The following GLIS3 variants were observed in gnomAD, a reference collection of about 807,000 sequenced individuals.
GLIS3 encodes the protein GLIS family zinc finger 3.
In GLIS3, 53 loss-of-function variants were observed where a neutral mutation model predicts 78.6. The observed-to-expected ratio is 0.67, with a 90% CI of 0.54 to 0.85. The LOEUF is 0.85. Ranked by LOEUF, GLIS3 falls within the 40% of genes least tolerant of loss-of-function variation. GLIS3 has a pLI of 0.00. For missense variants in GLIS3, 1,703 were observed against 1,231.1 expected, an observed-to-expected ratio of 1.38 and a Z score of -5.74; for synonymous variants, 684 against 509.9, an observed-to-expected ratio of 1.34 and a Z score of -4.60.
chr9:4,193,967 G>A (rs952957355), intron 2 of GLIS3, among the ~76,000 whole-genome samples: 3 of 152,232 alleles, frequency 2.0e-5, no homozygotes, highest in Non-Finnish European at 4.4e-5. Flanking sequence ...GGCAGTAACG[G>A]CAACATCTTT....
chr9:4,210,008 AC>A lies in GLIS3; in HGVS notation c.388+76029del, dbSNP rs529857522. Among the ~76,000 whole-genome samples the A allele has an allele frequency of 2.3e-3, 353 of 152,306 alleles. 1 individual carries two copies. Among genetic ancestry groups the A allele is most frequent in the African/African-American group, 7.3e-3 (304 of 41,550 alleles). On this transcript the variant is annotated intron_variant, in intron 2 of 10. Transcript: ENST00000381971. ...ATGGCTTAACATCAAGATAGGCTGC[AC>A]ATTTCAGGAAATGTAAGGATGATAT... is the stretch of plus-strand genomic sequence containing the variant.
intron 9 of GLIS3, among the ~76,000 whole-genome samples, chr9:3,834,976 T>C (rs1362111763): frequency 1.3e-5 from 2 of 152,276 alleles, no homozygotes; most frequent in African/African-American, 2.4e-5. Context: ...GATGTGCCCT[T>C]GTGGGTCTCC....
intron 2 of GLIS3, among the ~76,000 whole-genome samples, chr9:4,256,488 C>T (rs576246687): frequency 1.3e-4 from 20 of 152,162 alleles, no homozygotes; most frequent in Non-Finnish European, 2.2e-4. Context: ...TGTTGAATGC[C>T]GGTAAAATTG....
chr9:4,470,760 A>G, the GLIS3 span, among the ~76,000 whole-genome samples: 1 of 150,446 alleles, frequency 6.6e-6, no homozygotes, highest in Non-Finnish European at 1.5e-5. Context: ...CCAGGGCAAT[A>G]AGGCAGGAGA....
At chr9:3,912,882 G>C (rs1473037595) in intron 6 of GLIS3, among the ~76,000 whole-genome samples, 1 of 152,204 alleles carries the variant, frequency 6.6e-6, no homozygotes, top group Non-Finnish European at 1.5e-5. Flanking sequence ...CTCAAAGCAA[G>C]ATGAAGGGTT....
At position 3,956,185 on chromosome 9, in the gene GLIS3, G is replaced by GA. The variant is rs1243726842; in HGVS notation, c.1711-18997dup. Among the ~76,000 whole-genome samples the GA allele has an allele frequency of 5.5e-3, 826 of 149,258 alleles. 6 individuals carry two copies. Among genetic ancestry groups the GA allele is most frequent in the African/African-American group, 0.019 (778 of 40,720 alleles). On this transcript the variant is annotated intron_variant, in intron 4 of 10. Coordinates refer to ENST00000381971, the MANE Select transcript of GLIS3 (RefSeq NM_001042413.2). ...CCATTCTTTAGTGTACCAGTTGAAA[G>GA]AAAAAAAAAATCACCTCCAACAGCT...
chr9:4,338,231 A>G (rs1325960194), intron 2 of GLIS3, among the ~76,000 whole-genome samples: 2 of 152,172 alleles, frequency 1.3e-5, no homozygotes, highest in African/African-American at 4.8e-5. Flanking sequence ...GTGTTGGACT[A>G]GATGAGTTTC....
At chr9:4,436,407 T>G in the GLIS3 span, among the ~76,000 whole-genome samples, 1 of 152,194 alleles carries the variant, frequency 6.6e-6, no homozygotes, top group Admixed American at 6.5e-5. Context: ...TTCTTCCTTC[T>G]CCCTCCAAAG....
chr9:4,268,699 T>A (rs1455576456), intron 2 of GLIS3, among the ~76,000 whole-genome samples: 1 of 152,234 alleles, frequency 6.6e-6, no homozygotes, highest in East Asian at 1.9e-4. Context: ...TAGGTGGTGA[T>A]ACCCCACAGA....
rs148965885 is a variant in GLIS3, at chr9:4,158,952, C to T, written c.389-33011G>A. ...AACCAGCCATGTAACAATACGGGGGCGGAGTCCCGGGCAGAAAAAAATGGC... is the reference window on the plus strand; with the variant it reads ...AACCAGCCATGTAACAATACGGGGGTGGAGTCCCGGGCAGAAAAAAATGGC... On this transcript the variant is annotated intron_variant, in intron 2 of 10. Coordinates refer to ENST00000381971, the MANE Select transcript of GLIS3 (RefSeq NM_001042413.2). 1.3e-3 allele frequency among the ~76,000 whole-genome samples: 181 copies of T among 142,658 alleles called. 1 individual carries two copies. The highest frequency in any genetic ancestry group is 4.6e-3 in the African/African-American group (174 of 38,234). The allele number at this position is 142,658 out of a possible 152,430, so 93.6% of individuals were successfully genotyped here.
chr9:4,278,498 C>T (rs1330676043), intron 2 of GLIS3, among the ~76,000 whole-genome samples: 1 of 152,036 alleles, frequency 6.6e-6, no homozygotes, highest in African/African-American at 2.4e-5. Context: ...GTTTGAGCAT[C>T]ACAAAGAATA....
At chr9:4,468,159 T>C in the GLIS3 span, among the ~76,000 whole-genome samples, 3 of 152,146 alleles carry the variant, frequency 2.0e-5, no homozygotes, top group East Asian at 3.9e-4. Context: ...AAATATCTGA[T>C]TGGTGTACCT....
At chr9:4,266,207 C>A (rs180917655) in intron 2 of GLIS3, among the ~76,000 whole-genome samples, 3 of 150,686 alleles carry the variant, frequency 2.0e-5, no homozygotes, top group African/African-American at 7.3e-5. Flanking sequence ...TGTGAGCCAC[C>A]GCGCCTGGCC....
At chr9:3,921,272 T>C (rs1340296932) in intron 6 of GLIS3, among the ~76,000 whole-genome samples, 4 of 152,252 alleles carry the variant, frequency 2.6e-5, no homozygotes, top group Non-Finnish European at 4.4e-5. Context: ...AATTATGTTC[T>C]GAGCACCTCC....
intron 4 of GLIS3, among the ~76,000 whole-genome samples, chr9:4,012,321 A>C (rs948127468): frequency 6.6e-5 from 10 of 152,174 alleles, no homozygotes; most frequent in African/African-American, 2.4e-4. Context: ...GTATTGGAAG[A>C]GTGTGGTTAA....
intron 4 of GLIS3, among the ~76,000 whole-genome samples, chr9:3,954,963 A>AAAAT (rs1174952051): frequency 1.3e-5 from 2 of 152,256 alleles, no homozygotes; most frequent in African/African-American, 4.8e-5. Context: ...CCGGTGGATA[A>AAAAT]AAATAAATAA....
intron 2 of GLIS3, among the ~76,000 whole-genome samples, chr9:4,335,964 G>A (rs980509258): frequency 2.0e-5 from 3 of 152,194 alleles, no homozygotes; most frequent in African/African-American, 7.2e-5. Flanking sequence ...CTTGGTGACA[G>A]GTGATGAAGA....
intron 2 of GLIS3, among the ~76,000 whole-genome samples, chr9:4,169,862 C>T (rs1014100059): frequency 4.6e-5 from 7 of 152,022 alleles, no homozygotes; most frequent in African/African-American, 1.7e-4. Context: ...GAAATTATAT[C>T]AAAATTAAAA....
At chr9:4,306,227 G>A (rs576499978) in intron 4 of GLIS3, among the ~76,000 whole-genome samples, 20 of 149,828 alleles carry the variant, frequency 1.3e-4, no homozygotes, top group Admixed American at 7.3e-4. Context: ...CTACAGGTGC[G>A]TGCCCAGCTA....
Sources: allele counts gnomAD v4.1 joint callset (sites outside exome capture counted in the v4.1 genomes callset), GRCh38; gene constraint gnomAD v4.1.1; transcripts MANE v1.5; gene names NCBI Gene and HGNC (gene_info 2026-07-23, HGNC 2026-07-21).